Variants in PLXNA2 observed in about 807,000 individuals in gnomAD.
The protein encoded by PLXNA2 is plexin-A2.
Under a neutral mutation model 193.5 loss-of-function variants are expected in PLXNA2, and 91 were observed. The observed-to-expected ratio is 0.47, with a 90% CI of 0.40 to 0.56. The LOEUF (loss-of-function observed/expected upper bound fraction) is 0.56. PLXNA2 is among the 20% of genes least tolerant of loss of function. The pLI, the probability that PLXNA2 is intolerant of heterozygous loss-of-function variation, is 0.00. For synonymous variants in PLXNA2, 997 were observed against 1,027.3 expected, an observed-to-expected ratio of 0.97 and a Z score of 0.56; for missense variants, 1,995 against 2,503.2, an observed-to-expected ratio of 0.80 and a Z score of 4.33.
At chr1:208,176,620 G>A (rs1263576083) in intron 3 of PLXNA2, among the ~76,000 whole-genome samples, 2 of 152,032 alleles carry the variant, frequency 1.3e-5, no homozygotes, top group African/African-American at 4.8e-5. Context: ...TTTTACCCAG[G>A]GACATATAAG....
intron 9 of PLXNA2, among the ~76,000 whole-genome samples, chr1:208,086,679 T>C (rs1666530599): frequency 6.6e-6 from 1 of 151,748 alleles, no homozygotes; most frequent in Non-Finnish European, 1.5e-5. Context: ...GATGGGTCCC[T>C]GTTTAGGAGC....
At position 208,024,721 on chromosome 1, in the gene PLXNA2, A is replaced by C. The variant is rs1439075911; in HGVS notation, c.*2522T>G. 2 of 152,204 alleles carry C rather than the reference A, an allele frequency of 1.3e-5. No individual in the cohort carries two copies. Among genetic ancestry groups the C allele is most frequent in the Non-Finnish European group, 2.9e-5 (2 of 68,084 alleles). The allele number at this position is 152,204 out of a possible 1,614,324, so 9.4% of individuals were successfully genotyped here. A position where few individuals can be genotyped will look rare whatever the true frequency, so the allele number is the denominator to read the frequency against. On this transcript the variant is annotated 3_prime_UTR_variant, in exon 32 of 32. Coordinates refer to ENST00000367033, the MANE Select transcript of PLXNA2 (RefSeq NM_025179.4). ...CTGCTGGGAGATGCCAGGTAGATGCATTGAGTTAAGGGCTGGTAGAGATGC... is the reference window on the plus strand; with the variant it reads ...CTGCTGGGAGATGCCAGGTAGATGCCTTGAGTTAAGGGCTGGTAGAGATGC...
intron 3 of PLXNA2, among the ~76,000 whole-genome samples, chr1:208,177,304 A>C (rs1004295448): frequency 4.6e-5 from 7 of 152,112 alleles, no homozygotes; most frequent in Admixed American, 4.6e-4. Flanking sequence ...CACCAAGCAG[A>C]GGACTGATTA....
At chr1:208,172,784 G>A (rs1359033429) in intron 3 of PLXNA2, among the ~76,000 whole-genome samples, 3 of 152,170 alleles carry the variant, frequency 2.0e-5, no homozygotes, top group Admixed American at 2.0e-4. Context: ...GTTTTTTTGT[G>A]TTCAGGGGAC....
At chr1:208,184,656 C>T (rs1029999431) in intron 3 of PLXNA2, among the ~76,000 whole-genome samples, 2 of 152,154 alleles carry the variant, frequency 1.3e-5, no homozygotes, top group Non-Finnish European at 2.9e-5. Flanking sequence ...ATATTGGGCA[C>T]ACCCAGCAAA....
chr1:208,125,397 A>G (rs944947985), intron 4 of PLXNA2, among the ~76,000 whole-genome samples: 1 of 152,170 alleles, frequency 6.6e-6, no homozygotes, highest in Non-Finnish European at 1.5e-5. Context: ...TGGGGAAGGC[A>G]CTGGTTAGAT....
intron 2 of PLXNA2, among the ~76,000 whole-genome samples, chr1:208,213,793 C>A (rs1306276095): frequency 6.6e-6 from 1 of 152,220 alleles, no homozygotes; most frequent in Admixed American, 6.5e-5. Flanking sequence ...GCAGCCCTTG[C>A]ACCAGAAGGG....
chr1:208,076,946 C>T (rs1342138257), intron 12 of PLXNA2, among the ~76,000 whole-genome samples: 1 of 151,634 alleles, frequency 6.6e-6, no homozygotes, highest in Admixed American at 6.6e-5. Context: ...ATTTTTGTAC[C>T]TTTTTATAAG....
intron 12 of PLXNA2, among the ~76,000 whole-genome samples, chr1:208,061,716 A>G (rs2102351060): frequency 6.6e-6 from 1 of 152,312 alleles, no homozygotes; most frequent in East Asian, 1.9e-4. Context: ...AGGTCTCTCA[A>G]GATGTAATAA....
In PLXNA2 at chr1:208,224,175, C is replaced by T. The variant is rs909430800; in HGVS notation, c.-80-6173G>A. Among the ~76,000 whole-genome samples the T allele has an allele frequency of 5.3e-5, 8 of 152,122 alleles. No homozygotes were observed. In the East Asian group the frequency reaches 5.8e-4, roughly 11 times the overall value. On this transcript the variant is annotated intron_variant, in intron 1 of 31. Transcript: ENST00000367033. The stretch of plus-strand genomic sequence containing the variant: ...ACGCAAAAGCCCCGGGTAATGCCGA[C>T]GGCTGAAAGTCCTCAATTAGAGTGA...
At chr1:208,214,173 C>A (rs911725602) in intron 2 of PLXNA2, among the ~76,000 whole-genome samples, 84 of 150,876 alleles carry the variant, frequency 5.6e-4, no homozygotes, top group Non-Finnish European at 3.8e-4. Flanking sequence ...CCTCATTTTA[C>A]AACAGTAAGA....
chr1:208,172,041 C>T (rs1039933370), intron 3 of PLXNA2, among the ~76,000 whole-genome samples: 1 of 125,116 alleles, frequency 8.0e-6, no homozygotes, highest in African/African-American at 2.8e-5. Context: ...AAAAAAAAGG[C>T]AAAACCCGCA....
rs1280328821 is a variant in PLXNA2, at chr1:208,060,760, G to T, written c.2664C>A (p.Ser888=). Residue 888 remains serine (S), a synonymous_variant, in exon 13 of 32, where the codon TCC becomes TCA. Coordinates refer to ENST00000367033, the MANE Select transcript of PLXNA2 (RefSeq NM_025179.4). ...IHGVNLGLDF[S]EIAHHVQVAG... ...CCACCTGCACATGGTGGGCGATCTC[G>T]GAGAAGTCCAGACCCAGGTTCACGC... 2.5e-6 allele frequency: 4 copies of T among 1,614,074 alleles called. No homozygotes were observed. Among genetic ancestry groups the T allele is most frequent in the Non-Finnish European group, 2.5e-6 (3 of 1,179,982 alleles).
At chr1:208,154,217 G>A (rs967751267) in intron 3 of PLXNA2, among the ~76,000 whole-genome samples, 3 of 137,236 alleles carry the variant, frequency 2.2e-5, no homozygotes, top group South Asian at 2.3e-4. Flanking sequence ...GAGTGCCAGC[G>A]TGAAGACTCT....
chr1:208,028,872 A>G lies in PLXNA2; in HGVS notation c.5396T>C (p.Leu1799Pro). The change falls in exon 30 of 32, where the codon CTC becomes CCC. Residue 1799 changes from leucine to proline, a missense_variant. By Grantham distance (98) the Leu-to-Pro change is moderately conservative. This residue lies in a region of PLXNA2 where 1,291 missense variants were observed against 1,673.6 expected (regional missense o/e 0.77). Transcript: ENST00000367033. The surrounding 1 kb of genome is among the most constrained non-coding windows in gnomAD (Gnocchi z 4.2). ...LGKDSPSNKL[L>P]YAKDIPSYKS... is the part of the protein sequence containing the mutation. ...GTAGCTGGGGATGTCCTTGGCATAG[A>G]GCAGCTTGTTGGAGGGGGAGTCCTT... The G allele has an allele frequency of 6.2e-7, 1 of 1,614,084 alleles. No individual in the cohort carries two copies. Among genetic ancestry groups the G allele is most frequent in the Admixed American group, 1.7e-5 (1 of 60,014 alleles).
chr1:208,029,704 C>A, intron 29 of PLXNA2: 1 of 986,320 alleles, frequency 1.0e-6, no homozygotes, highest in Non-Finnish European at 1.2e-6. Context: ...GATTTTCCCA[C>A]CCCAAGAGGA....
chr1:208,071,070 C>T (rs1468261169), intron 12 of PLXNA2, among the ~76,000 whole-genome samples: 1 of 152,140 alleles, frequency 6.6e-6, no homozygotes, highest in Non-Finnish European at 1.5e-5. Flanking sequence ...GGCTGCCCCT[C>T]TATGGGCCTG....
rs1671295185 is a variant in PLXNA2 at position 208,220,536 on chromosome 1, G to A, written c.-80-2534C>T. Among the ~76,000 whole-genome samples the A allele has an allele frequency of 2.0e-5, 3 of 151,878 alleles. No homozygotes were observed. In the South Asian group the frequency reaches 6.2e-4, roughly 32 times the overall value. On this transcript the variant is annotated intron_variant, in intron 1 of 31. Transcript: ENST00000367033. ...AGACCTCCGCCTCCCTGGTTCAAGC[G>A]ATTCTGCTGCCTCAGCCTCCACAGT...
chr1:208,054,484 G>A lies in PLXNA2; in HGVS notation c.2793C>T (p.Arg931=), dbSNP rs769203820. ...CTGGCTTACACTCGCCAATACACAG[G>A]CGTACTGGCCCGGAGGTGGTTCCCA... ...ALVGTTSGPV[R]LCIGECKPEF... The change falls in exon 14 of 32, where the codon CGC becomes CGT. Residue 931 remains arginine, a synonymous_variant. Coordinates refer to ENST00000367033, the MANE Select transcript of PLXNA2 (RefSeq NM_025179.4). 1.9e-5 allele frequency: 30 copies of A among 1,614,128 alleles called. No homozygotes were observed. The highest frequency in any genetic ancestry group is 2.3e-5 in the Non-Finnish European group (27 of 1,180,044).
Sources: allele counts gnomAD v4.1 joint callset (sites outside exome capture counted in the v4.1 genomes callset), GRCh38; gene constraint gnomAD v4.1.1; regional missense constraint gnomAD v4.1.1; non-coding constraint Gnocchi (gnomAD v3.1); transcripts MANE v1.5; gene names NCBI Gene and HGNC (gene_info 2026-07-23, HGNC 2026-07-21).